Variants in XDH observed in about 807,000 individuals in gnomAD.
The protein encoded by XDH is xanthine dehydrogenase/oxidase.
XDH carries 138 observed loss-of-function variants against 156.1 expected under a neutral mutation model. The observed-to-expected ratio is 0.88, with a 90% CI of 0.77 to 1.02. The LOEUF (loss-of-function observed/expected upper bound fraction) is 1.02. Among genes scored for constraint, XDH ranks in the 50% least tolerant of loss-of-function variants. The pLI, the probability that XDH is intolerant of heterozygous loss-of-function variation, is 0.00. For missense variants in XDH, 1,849 were observed against 1,684.9 expected (o/e 1.10, Z -1.71); for synonymous variants, 669 against 625.7 (o/e 1.07, Z -1.03).
chr2:31,346,845 TA>T lies in XDH; in HGVS notation c.3277-3del, dbSNP rs767762797. ...TTTCAAGATGGTCTGACAAGCCGCC[TA>T]AAGTAAACACCCCCCACACCCCAGA... On this transcript the variant is annotated splice_region_variant and splice_polypyrimidine_tract_variant and intron_variant, in intron 29 of 35. Transcript: ENST00000379416. 2.2e-5 allele frequency: 35 copies of T among 1,613,958 alleles called. No homozygotes were observed. The East Asian group carries it at 6.5e-4, about 30-fold the overall frequency.
At chr2:31,380,034 T>A (rs547525401) in intron 12 of XDH, 58 bp from the exon 13 acceptor site, 1 of 1,538,276 alleles carries the variant, frequency 6.5e-7, no homozygotes, top group African/African-American at 1.4e-5. Context: ...GAACCCCCCA[T>A]GGGGAGAAAG....
intron 23 of XDH, among the ~76,000 whole-genome samples, chr2:31,365,119 C>T (rs1352646897): frequency 6.6e-6 from 1 of 152,190 alleles, no homozygotes; most frequent in African/African-American, 2.4e-5. Flanking sequence ...CCAATTTTTA[C>T]ATCAGGCCTG....
chr2:31,376,364 G>A lies in XDH; in HGVS notation c.1427+689C>T, dbSNP rs961662518. On this transcript the variant is annotated intron_variant, in intron 14 of 35. Coordinates refer to ENST00000379416, the MANE Select transcript of XDH (RefSeq NM_000379.4). ...AAAAGTAGCAGTCATAGCACCAGCA[G>A]CATCAATAACAGCAGTAATACTACT... 3.3e-5 allele frequency among the ~76,000 whole-genome samples: 5 copies of A among 149,720 alleles called. No individual in the cohort carries two copies. The East Asian group carries it at 7.8e-4, about 23-fold the overall frequency.
intron 13 of XDH, among the ~76,000 whole-genome samples, chr2:31,378,765 A>G (rs1449579478): frequency 6.6e-6 from 1 of 152,050 alleles, no homozygotes; most frequent in African/African-American, 2.4e-5. Context: ...TCTTTCATGG[A>G]AGGATGTGTT....
chr2:31,393,067 G>T (rs1376825727), intron 6 of XDH, among the ~76,000 whole-genome samples: 1 of 152,176 alleles, frequency 6.6e-6, no homozygotes, highest in South Asian at 2.1e-4. Flanking sequence ...GTCCATCTAG[G>T]TGAATGCTCC....
At chr2:31,397,299 C>T (rs1558313061) in intron 6 of XDH, among the ~76,000 whole-genome samples, 2 of 152,144 alleles carry the variant, frequency 1.3e-5, no homozygotes, top group South Asian at 2.1e-4. Context: ...AGCAAGGCCA[C>T]GTTGTTATTA....
intron 6 of XDH, 116 bp downstream of exon 6, chr2:31,397,552 G>C: frequency 7.9e-7 from 1 of 1,270,410 alleles, no homozygotes; most frequent in Non-Finnish European, 1.2e-6. Context: ...TCACTAACTG[G>C]TCATCTTATC....
At chr2:31,360,036 T>C (rs1685736102) in intron 24 of XDH, among the ~76,000 whole-genome samples, 1 of 152,214 alleles carries the variant, frequency 6.6e-6, no homozygotes, top group South Asian at 2.1e-4. Context: ...CACTCAGATG[T>C]GCTCTTCCCA....
At chr2:31,341,209 C>T in intron 33 of XDH, 120 bp downstream of exon 33, 6 of 1,036,048 alleles carry the variant, frequency 5.8e-6, no homozygotes, top group African/African-American at 4.8e-5. Context: ...TCCCTAGGTT[C>T]CATGTTTCAG....
chr2:31,375,557 G>T lies in XDH; in HGVS notation c.1428-3C>A. The T allele has an allele frequency of 6.2e-7, 1 of 1,613,018 alleles. No homozygotes were observed. Among genetic ancestry groups the T allele is most frequent in the Non-Finnish European group, 8.5e-7 (1 of 1,179,950 alleles). The stretch of plus-strand genomic sequence containing the variant: ...GCAGCAGCTCCTCCTTCCAGAGCCT[G>T]CCAGAGAGCAGGGCGTGGGACAGCG... On this transcript the variant is annotated splice_polypyrimidine_tract_variant and splice_region_variant and intron_variant, in intron 14 of 35. Coordinates refer to ENST00000379416, the MANE Select transcript of XDH (RefSeq NM_000379.4).
chr2:31,342,341 C>T (rs1484519599), intron 31 of XDH, 44 bp from the exon 32 acceptor site: 4 of 1,522,800 alleles, frequency 2.6e-6, no homozygotes, highest in Non-Finnish European at 2.7e-6. Flanking sequence ...TTAACATGAA[C>T]ACACCCCCTT....
intron 30 of XDH, among the ~76,000 whole-genome samples, chr2:31,346,059 G>A (rs558225938): frequency 1.3e-4 from 20 of 152,256 alleles, no homozygotes; most frequent in African/African-American, 2.2e-4. Context: ...CTAGTGAGCC[G>A]GTTTATGTGC....
intron 6 of XDH, among the ~76,000 whole-genome samples, chr2:31,391,198 AC>A (rs1336488948): frequency 1.3e-5 from 2 of 152,060 alleles, no homozygotes; most frequent in African/African-American, 4.8e-5. Context: ...TGAATGTCCA[AC>A]TGTTGCAGCA....
Position 31,367,214 on chromosome 2 carries a change from A to C in XDH, c.2198-220T>G, listed in dbSNP as rs190563470. Among the ~76,000 whole-genome samples the C allele has an allele frequency of 2.0e-5, 3 of 152,334 alleles. No homozygotes were observed. In the East Asian group the frequency reaches 5.8e-4, roughly 29 times the overall value. ...TCATCCCCACCCCCACAACAAAGAA[A>C]GAACGACACTGAAATGCATCCAGTC... On this transcript the variant is annotated intron_variant, in intron 20 of 35. Transcript: ENST00000379416.
rs1687433706 is a variant in XDH at position 31,414,720 on chromosome 2, G to T, written c.-54C>A. 3.7e-6 allele frequency: 6 copies of T among 1,607,118 alleles called. No homozygotes were observed. Among genetic ancestry groups the T allele is most frequent in the African/African-American group, 1.3e-5 (1 of 74,890 alleles). On this transcript the variant is annotated 5_prime_UTR_variant, in exon 1 of 36. Transcript: ENST00000379416. Reference sequence around the variant, plus strand: ...GGTACCTCACTCCTAAGAGACACTGGCAGGTAGTTATCACTGCTCTGTGAC... The same window carrying T: ...GGTACCTCACTCCTAAGAGACACTGTCAGGTAGTTATCACTGCTCTGTGAC...
chr2:31,349,089 T>C, intron 26 of XDH, 109 bp from the exon 27 acceptor site: 2 of 1,074,760 alleles, frequency 1.9e-6, no homozygotes, highest in Non-Finnish European at 2.8e-6. Flanking sequence ...CCCACAAAGA[T>C]GAGAACAGTC....
intron 24 of XDH, among the ~76,000 whole-genome samples, chr2:31,352,900 T>TTC (rs397770309): frequency 1.3e-5 from 2 of 151,376 alleles, no homozygotes; most frequent in Admixed American, 6.6e-5. Context: ...TTTTTTTTTT[T>TTC]CAAAGAGACA....
At chr2:31,340,997 C>G (rs1176090493) in intron 33 of XDH, among the ~76,000 whole-genome samples, 1 of 152,162 alleles carries the variant, frequency 6.6e-6, no homozygotes, top group Non-Finnish European at 1.5e-5. Flanking sequence ...GGGCATTGAT[C>G]CCAAACTCAA....
chr2:31,401,171 A>G (rs1309318487), intron 4 of XDH, 49 bp downstream of exon 4: 45 of 1,605,994 alleles, frequency 2.8e-5, no homozygotes, highest in Middle Eastern at 1.9e-4. Flanking sequence ...GCCTCCCTGC[A>G]GAGGAAAGAG....
Sources: allele counts gnomAD v4.1 joint callset (sites outside exome capture counted in the v4.1 genomes callset), GRCh38; gene constraint gnomAD v4.1.1; transcripts MANE v1.5; gene names NCBI Gene and HGNC (gene_info 2026-07-23, HGNC 2026-07-21).